HNRNPLL: variants seen among roughly 807,000 people sequenced by gnomAD.
The protein encoded by HNRNPLL is heterogeneous nuclear ribonucleoprotein L like.
A neutral mutation model predicts 67.1 loss-of-function variants in HNRNPLL; 25 were observed. The ratio of observed to expected loss-of-function variants is 0.37; its 90% CI spans 0.27 to 0.52. The LOEUF (loss-of-function observed/expected upper bound fraction) is 0.52. HNRNPLL is among the 20% of genes least tolerant of loss of function. HNRNPLL has a pLI of 0.90. For synonymous variants in HNRNPLL, 267 were observed against 241.7 expected, an observed-to-expected ratio of 1.10 and a Z score of -0.97; for missense variants, 542 against 673.9, an observed-to-expected ratio of 0.80 and a Z score of 2.17.
intron 4 of HNRNPLL, 143 bp downstream of exon 4, chr2:38,583,698 C>T: frequency 4.0e-6 from 2 of 494,050 alleles, no homozygotes. Context: ...CCTATGAGTA[C>T]TGCAGTTTCA....
intron 12 of HNRNPLL, among the ~76,000 whole-genome samples, chr2:38,565,575 C>T (rs941692563): frequency 3.3e-5 from 5 of 151,408 alleles, no homozygotes; most frequent in African/African-American, 1.2e-4. Context: ...CAAATATACA[C>T]CAATAAGCTG....
chr2:38,577,434 T>TA (rs1412825814), intron 7 of HNRNPLL, 27 bp downstream of exon 7: 3 of 1,396,096 alleles, frequency 2.1e-6, no homozygotes, highest in Non-Finnish European at 3.1e-6. Flanking sequence ...TCATCTATAC[T>TA]ACCTTCTTTC....
chr2:38,577,015 G>A (rs1666324130), intron 7 of HNRNPLL, among the ~76,000 whole-genome samples: 1 of 151,840 alleles, frequency 6.6e-6, no homozygotes, highest in African/African-American at 2.4e-5. Context: ...CAAAATACTA[G>A]CTACAGAACT....
intron 6 of HNRNPLL, among the ~76,000 whole-genome samples, chr2:38,580,761 G>T (rs1373699896): frequency 1.3e-5 from 2 of 152,172 alleles, no homozygotes; most frequent in African/African-American, 4.8e-5. Flanking sequence ...AGCACTTATA[G>T]GTGAAGATGC....
At chr2:38,588,199 G>A (rs185475827) in intron 2 of HNRNPLL, among the ~76,000 whole-genome samples, 26 of 152,252 alleles carry the variant, frequency 1.7e-4, no homozygotes, top group African/African-American at 6.0e-4. Context: ...AGGTACAGAA[G>A]TAAATTATTT....
Position 38,599,444 on chromosome 2 carries a change from G to A in HNRNPLL, c.189+2994C>T, listed in dbSNP as rs141295456. Among the ~76,000 whole-genome samples, 907 of 152,196 alleles carry A rather than the reference G, an allele frequency of 6.0e-3. 6 individuals are homozygous for A. The highest frequency in any genetic ancestry group is 0.021 in the African/African-American group (863 of 41,492). ...AACTTAATATGATCTTGAAGGTCAT[G>A]CCTATTAAATTTAAGAACACTACTC... On this transcript the variant is annotated intron_variant, in intron 1 of 12. Coordinates refer to ENST00000449105, the MANE Select transcript of HNRNPLL (RefSeq NM_138394.4).
At chr2:38,600,419 T>G (rs767566953) in intron 1 of HNRNPLL, among the ~76,000 whole-genome samples, 1 of 152,116 alleles carries the variant, frequency 6.6e-6, no homozygotes, top group Non-Finnish European at 1.5e-5. Flanking sequence ...ACTGACTTTC[T>G]CAGACTCACA....
At chr2:38,578,770 T>A (rs991796440) in intron 6 of HNRNPLL, among the ~76,000 whole-genome samples, 1 of 152,112 alleles carries the variant, frequency 6.6e-6, no homozygotes, top group Non-Finnish European at 1.5e-5. Context: ...AATTTTTATA[T>A]TGTATAGAAA....
At chr2:38,585,518 T>C (rs3213852) in intron 3 of HNRNPLL, 126 bp downstream of exon 3, 2 of 621,928 alleles carry the variant, frequency 3.2e-6, no homozygotes, top group Non-Finnish European at 5.7e-6. Context: ...TTGTTAAGAT[T>C]AATTTTCAAA....
At chr2:38,596,405 T>C (rs892066305) in intron 1 of HNRNPLL, among the ~76,000 whole-genome samples, 1 of 152,108 alleles carries the variant, frequency 6.6e-6, no homozygotes, top group Non-Finnish European at 1.5e-5. Context: ...ACCACAAGCA[T>C]GTACCACCAC....
chr2:38,575,828 C>T (rs1666280495), intron 7 of HNRNPLL, among the ~76,000 whole-genome samples: 1 of 151,706 alleles, frequency 6.6e-6, no homozygotes, highest in Non-Finnish European at 1.5e-5. Context: ...TAGCACACAT[C>T]CCCCATCTTT....
rs1314167697 is a variant in HNRNPLL at position 38,562,737 on chromosome 2, T to A, written c.*1445A>T. ...TAGATTAAATTTAATTTTTTCTTTATCTTTAGAGGGCTAAATGCTGGTCCA... is the reference window on the plus strand; with the variant it reads ...TAGATTAAATTTAATTTTTTCTTTAACTTTAGAGGGCTAAATGCTGGTCCA... On this transcript the variant is annotated 3_prime_UTR_variant, in exon 13 of 13. Coordinates refer to ENST00000449105, the MANE Select transcript of HNRNPLL (RefSeq NM_138394.4). The A allele has an allele frequency of 6.6e-6, 1 of 152,102 alleles. No individual in the cohort carries two copies. Among genetic ancestry groups the A allele is most frequent in the Non-Finnish European group, 1.5e-5 (1 of 67,946 alleles). 9.4% of individuals were successfully genotyped at this position (152,102 alleles called of 1,614,324 possible). A position where few individuals can be genotyped will look rare whatever the true frequency, so the allele number is the denominator to read the frequency against.
In HNRNPLL at chr2:38,602,867, T is replaced by G. The variant is rs902670671; in HGVS notation, c.-241A>C. 1 of 1,549,048 alleles carries G rather than the reference T, an allele frequency of 6.5e-7. No homozygotes were observed. The highest frequency in any genetic ancestry group is 2.5e-5 in the East Asian group (1 of 40,726). ...GCTCCTCTCAATTACCGAGCCAACA[T>G]TCAGCCTCTCCCTCCTCCTCCTCCG... On this transcript the variant is annotated 5_prime_UTR_variant, in exon 1 of 13. The change abolishes an upstream ATG in the 5' untranslated region. Coordinates refer to ENST00000449105, the MANE Select transcript of HNRNPLL (RefSeq NM_138394.4).
At chr2:38,575,011 A>C (rs1361271795) in intron 7 of HNRNPLL, among the ~76,000 whole-genome samples, 2 of 151,742 alleles carry the variant, frequency 1.3e-5, no homozygotes, top group East Asian at 3.9e-4. Context: ...TCATCACACT[A>C]AATTTTCTTT....
intron 1 of HNRNPLL, among the ~76,000 whole-genome samples, chr2:38,595,002 C>A (rs1482527098): frequency 2.6e-5 from 4 of 151,750 alleles, no homozygotes; most frequent in Admixed American, 6.6e-5. Context: ...ATTAGCCAGG[C>A]GTGGTGGCTC....
chr2:38,567,459 A>G (rs924475782), intron 12 of HNRNPLL, among the ~76,000 whole-genome samples: 1 of 152,110 alleles, frequency 6.6e-6, no homozygotes, highest in African/African-American at 2.4e-5. Flanking sequence ...ACTAGGGAAG[A>G]AAAAAAGAAC....
rs562484938 is a variant in HNRNPLL at position 38,562,748 on chromosome 2, C to T, written c.*1434G>A. ...TAATTTTTTCTTTATCTTTAGAGGGCTAAATGCTGGTCCACTGCCATCAAA... is the reference window on the plus strand; with the variant it reads ...TAATTTTTTCTTTATCTTTAGAGGGTTAAATGCTGGTCCACTGCCATCAAA... On this transcript the variant is annotated 3_prime_UTR_variant, in exon 13 of 13. Transcript: ENST00000449105. 2.0e-5 allele frequency: 3 copies of T among 151,986 alleles called. No individual in the cohort carries two copies. Among genetic ancestry groups the T allele is most frequent in the East Asian group, 1.9e-4 (1 of 5,176 alleles). 9.4% of individuals were successfully genotyped at this position (151,986 alleles called of 1,614,324 possible).
At chr2:38,576,065 G>A (rs558857748) in intron 7 of HNRNPLL, among the ~76,000 whole-genome samples, 2 of 151,740 alleles carry the variant, frequency 1.3e-5, no homozygotes, top group African/African-American at 4.8e-5. Flanking sequence ...TTTTGGCAGG[G>A]TATATAACAG....
In HNRNPLL at chr2:38,563,241, GAATAAAAATAA is replaced by G. The variant is rs2148328915; in HGVS notation, c.*930_*940del. 1 of 151,686 alleles carries G rather than the reference GAATAAAAATAA, an allele frequency of 6.6e-6. No homozygotes were observed. The highest frequency in any genetic ancestry group is 1.5e-5 in the Non-Finnish European group (1 of 67,810). 9.4% of individuals were successfully genotyped at this position (151,686 alleles called of 1,614,324 possible). A position where few individuals can be genotyped will look rare whatever the true frequency, so the allele number is the denominator to read the frequency against. Reference sequence around the variant, plus strand: ...ATTGAGACAAATAGCTATCTGTTTGGAATAAAAATAAAATTAGATCCTTAAATCTTGTACCA... The same window carrying G: ...ATTGAGACAAATAGCTATCTGTTTGGAATTAGATCCTTAAATCTTGTACCA... On this transcript the variant is annotated 3_prime_UTR_variant, in exon 13 of 13. Transcript: ENST00000449105.
Sources: gnomAD v4.1 joint callset for allele counts (sites outside exome capture counted in the v4.1 genomes callset) on GRCh38, gnomAD v4.1.1 for gene constraint, MANE v1.5 for transcripts, NCBI Gene and HGNC (gene_info 2026-07-23, HGNC 2026-07-21) for gene names.